MCTP1: variants seen among roughly 807,000 people sequenced by gnomAD.
The protein encoded by MCTP1 is multiple C2 and transmembrane domain-containing protein 1.
In MCTP1, 69 loss-of-function variants were observed where a neutral mutation model predicts 120.6. The ratio of observed to expected loss-of-function variants is 0.57; its 90% CI spans 0.47 to 0.70. The LOEUF (loss-of-function observed/expected upper bound fraction) is 0.70. Among genes scored for constraint, MCTP1 ranks in the 30% least tolerant of loss-of-function variants. The pLI is 0.00. For missense variants in MCTP1, 1,203 were observed against 1,248.8 expected (o/e 0.96, Z 0.55); for synonymous variants, 529 against 493.1 (o/e 1.07, Z -0.96).
chr5:94,780,328 G>C (rs976922010), intron 18 of MCTP1, among the ~76,000 whole-genome samples: 1 of 151,658 alleles, frequency 6.6e-6, no homozygotes, highest in African/African-American at 2.4e-5. Flanking sequence ...AACCAAGACT[G>C]TATTATGAAA....
intron 1 of MCTP1, among the ~76,000 whole-genome samples, chr5:95,262,053 G>A (rs966446236): frequency 2.0e-5 from 3 of 152,152 alleles, no homozygotes; most frequent in South Asian, 2.1e-4. Flanking sequence ...TGAGGCCAAC[G>A]GCAATGCCTA....
chr5:95,123,796 C>T (rs985167252), intron 1 of MCTP1, among the ~76,000 whole-genome samples: 1 of 152,030 alleles, frequency 6.6e-6, no homozygotes. Context: ...ACTACAGGCG[C>T]CCGCCACTGC....
intron 6 of MCTP1, among the ~76,000 whole-genome samples, chr5:94,925,298 A>T (rs908913482): frequency 1.3e-5 from 2 of 152,232 alleles, no homozygotes; most frequent in African/African-American, 4.8e-5. Context: ...AAAACAGCAT[A>T]AACTATTCAT....
chr5:94,828,434 G>A (rs1159308967), intron 17 of MCTP1, among the ~76,000 whole-genome samples: 1 of 152,220 alleles, frequency 6.6e-6, no homozygotes, highest in African/African-American at 2.4e-5. Flanking sequence ...CGGGGGTCAA[G>A]GACCCACTTA....
chr5:95,009,523 TAAAA>T lies in MCTP1; in HGVS notation c.838+7840_838+7843del, dbSNP rs1835489369. Among the ~76,000 whole-genome samples the T allele has an allele frequency of 2.0e-5, 3 of 151,474 alleles. No individual in the cohort carries two copies. In the East Asian group the frequency reaches 5.8e-4, roughly 29 times the overall value. On this transcript the variant is annotated intron_variant, in intron 2 of 22. Coordinates refer to ENST00000515393, the MANE Select transcript of MCTP1 (RefSeq NM_024717.7). ...ACTAAATTAAATTTCAAATAAATGA[TAAAA>T]AATTTACTATATGTATGCCCCAGTT...
chr5:94,909,119 A>G, intron 10 of MCTP1, 132 bp downstream of exon 10: 1 of 1,079,376 alleles, frequency 9.3e-7, no homozygotes, highest in Middle Eastern at 2.0e-4. Context: ...AGTTCATCCA[A>G]GCATTGCCTT....
At chr5:95,209,851 C>T (rs1219099793) in intron 1 of MCTP1, among the ~76,000 whole-genome samples, 2 of 152,152 alleles carry the variant, frequency 1.3e-5, no homozygotes, top group Admixed American at 6.5e-5. Context: ...GAATGTGTCC[C>T]AGAGATTCTG....
chr5:94,959,887 A>G (rs1823689341), intron 2 of MCTP1, among the ~76,000 whole-genome samples: 1 of 152,198 alleles, frequency 6.6e-6, no homozygotes, highest in South Asian at 2.1e-4. Context: ...CCAAGTTACC[A>G]TTGACTTTCT....
chr5:94,836,250 A>G (rs1222289673), intron 17 of MCTP1, among the ~76,000 whole-genome samples: 1 of 148,484 alleles, frequency 6.7e-6, no homozygotes, highest in Non-Finnish European at 1.5e-5. Context: ...GGAAGAAGTG[A>G]GTGAAAGGAT....
intron 2 of MCTP1, among the ~76,000 whole-genome samples, chr5:94,960,249 C>T (rs1212714200): frequency 1.3e-5 from 2 of 152,134 alleles, no homozygotes; most frequent in African/African-American, 4.8e-5. Context: ...CCCTTCCTTA[C>T]ACATTATACA....
rs79267913 is a variant in MCTP1, at chr5:94,881,093, G to A, written c.1933+7786C>T. Among the ~76,000 whole-genome samples, 52 of 152,232 alleles carry A rather than the reference G, an allele frequency of 3.4e-4. 1 individual carries two copies. The East Asian group carries it at 9.1e-3, about 27-fold the overall frequency. On this transcript the variant is annotated intron_variant, in intron 12 of 22. Coordinates refer to ENST00000515393, the MANE Select transcript of MCTP1 (RefSeq NM_024717.7). Reference sequence around the variant, plus strand: ...TCTAGATTCTCTTGCAGCTAGAGATGTAGATGTGATTTAGGTTGCATGAAT... The same window carrying A: ...TCTAGATTCTCTTGCAGCTAGAGATATAGATGTGATTTAGGTTGCATGAAT...
intron 1 of MCTP1, among the ~76,000 whole-genome samples, chr5:95,118,393 C>T (rs1340670213): frequency 1.3e-5 from 2 of 151,500 alleles, no homozygotes; most frequent in Non-Finnish European, 2.9e-5. Flanking sequence ...ACAACGGATA[C>T]ACAAAAATGA....
chr5:95,108,345 C>G (rs1202320222), intron 1 of MCTP1, among the ~76,000 whole-genome samples: 1 of 151,838 alleles, frequency 6.6e-6, no homozygotes, highest in African/African-American at 2.4e-5. Context: ...CAGGGCAGCT[C>G]CTTCCTGCTG....
intron 11 of MCTP1, among the ~76,000 whole-genome samples, chr5:94,892,958 C>CATAT (rs1462915345): frequency 3.9e-5 from 6 of 152,040 alleles, no homozygotes; most frequent in Middle Eastern, 3.2e-3. Flanking sequence ...TGCTATGTTG[C>CATAT]ATATAGTGGT....
chr5:95,209,943 G>C (rs1224672382), intron 1 of MCTP1, among the ~76,000 whole-genome samples: 1 of 152,294 alleles, frequency 6.6e-6, no homozygotes, highest in Admixed American at 6.5e-5. Context: ...AGCAGTCATT[G>C]AGGATCAGGT....
At chr5:94,916,153 C>T (rs1350022780) in intron 8 of MCTP1, among the ~76,000 whole-genome samples, 4 of 152,122 alleles carry the variant, frequency 2.6e-5, no homozygotes, top group Admixed American at 6.5e-5. Context: ...TGAGCAACTG[C>T]ATAGTCATGA....
rs761207624 is a variant in MCTP1 at position 95,283,867 on chromosome 5, C to G, written c.709G>C (p.Gly237Arg). 2.1e-5 allele frequency: 29 copies of G among 1,375,610 alleles called. No homozygotes were observed. In the East Asian group the frequency reaches 3.3e-4, roughly 16 times the overall value. The allele number at this position is 1,375,610 out of a possible 1,614,324, so 85.2% of individuals were successfully genotyped here. Reference protein sequence around the residue: ...SRAPETGEEHGSSQKIINTAG... With the variant: ...SRAPETGEEHRSSQKIINTAG... The stretch of plus-strand genomic sequence containing the variant: ...CCACCGGCACTCACCTGGCTGCTGC[C>G]GTGCTCCTCGCCCGTCTCCGGGGCC... The change falls in exon 1 of 23, where the codon GGC (glycine) becomes CGC (arginine). Residue 237 changes from glycine (G) to arginine (R), a missense_variant. Gly to Arg is a moderately radical substitution (Grantham distance 125). Coordinates refer to ENST00000515393, the MANE Select transcript of MCTP1 (RefSeq NM_024717.7).
chr5:94,764,033 A>G (rs1276090216), intron 19 of MCTP1, among the ~76,000 whole-genome samples: 1 of 152,152 alleles, frequency 6.6e-6, no homozygotes, highest in Non-Finnish European at 1.5e-5. Context: ...ACATGTCCAT[A>G]TGGGTTGGTT....
At chr5:94,971,155 A>G (rs1260039856) in intron 2 of MCTP1, among the ~76,000 whole-genome samples, 1 of 152,100 alleles carries the variant, frequency 6.6e-6, no homozygotes, top group African/African-American at 2.4e-5. Flanking sequence ...CCTTAAAATG[A>G]GGGGATTTCC....
Sources: allele counts gnomAD v4.1 joint callset (sites outside exome capture counted in the v4.1 genomes callset), GRCh38; gene constraint gnomAD v4.1.1; transcripts MANE v1.5; gene names NCBI Gene and HGNC (gene_info 2026-07-23, HGNC 2026-07-21).